The following MAP3K4 variants were observed in gnomAD, a reference collection of about 807,000 sequenced individuals.
The protein encoded by MAP3K4 is MAP three kinase 1.
In MAP3K4, 67 loss-of-function variants were observed where a neutral mutation model predicts 185.6. The ratio of observed to expected loss-of-function variants is 0.36; its 90% CI spans 0.30 to 0.44. MAP3K4 has a LOEUF of 0.44. Ranked by LOEUF, MAP3K4 falls within the 20% of genes least tolerant of loss-of-function variation. The probability of loss-of-function intolerance (pLI) is 1.00; values close to 1 mark genes in which losing one functional copy is unlikely to be tolerated. For synonymous variants in MAP3K4, 702 were observed against 710.4 expected (o/e 0.99, Z 0.19); for missense variants, 1,551 against 1,995.1 (o/e 0.78, Z 4.24).
chr6:161,002,050 G>GTTTTT (rs77347524), intron 1 of MAP3K4, among the ~76,000 whole-genome samples: 3 of 112,450 alleles, frequency 2.7e-5, no homozygotes, highest in South Asian at 3.0e-4. Flanking sequence ...TAAGAAAAAG[G>GTTTTT]TTTTTTTTTT....
rs1312988708 is a variant in MAP3K4 at position 161,080,633 on chromosome 6, G to T, written c.2098-248G>T. On this transcript the variant is annotated intron_variant, in intron 5 of 26. Coordinates refer to ENST00000392142, the MANE Select transcript of MAP3K4 (RefSeq NM_005922.4). This position sits in a 1 kb window ranked among gnomAD's most constrained non-coding sequence, Gnocchi z 4.8. ...ATTGTAGATTGTGAACATTTTTGTT[G>T]TTAGGATTTTGAAGGGGTTGTCAAT... 7.0e-6 allele frequency: 3 copies of T among 428,466 alleles called. No homozygotes were observed. Among genetic ancestry groups the T allele is most frequent in the Admixed American group, 4.2e-5 (1 of 23,650 alleles). 26.5% of individuals were successfully genotyped at this position (428,466 alleles called of 1,614,324 possible).
chr6:161,019,531 C>T lies in MAP3K4; in HGVS notation c.153-14728C>T, dbSNP rs143830889. Among the ~76,000 whole-genome samples the T allele has an allele frequency of 8.3e-4, 126 of 152,292 alleles. 1 individual carries two copies. The East Asian group carries it at 0.012, about 14-fold the overall frequency. On this transcript the variant is annotated intron_variant, in intron 1 of 26. Transcript: ENST00000392142. ...AAGCAATTCTCCTGCGTCAGTCTCC[C>T]GAGTAGCTGGAATTACAGGCGTGTG...
chr6:161,016,663 A>G (rs796562501), intron 1 of MAP3K4, among the ~76,000 whole-genome samples: 8 of 152,326 alleles, frequency 5.3e-5, no homozygotes, highest in East Asian at 1.9e-4. Context: ...ATACGAGTTT[A>G]TAGCTGGACT....
chr6:161,101,545 T>A lies in MAP3K4; in HGVS notation c.3675-347T>A, dbSNP rs1457031895. 3 of 170,238 alleles carry A rather than the reference T, an allele frequency of 1.8e-5. No homozygotes were observed. Among genetic ancestry groups the A allele is most frequent in the African/African-American group, 7.1e-5 (3 of 42,100 alleles). 10.5% of individuals were successfully genotyped at this position (170,238 alleles called of 1,614,324 possible). ...TTTCTGTTGTTAATATAAGACAAGG[T>A]TTTATGCAGGCAGGTGCTCTCAGGC... On this transcript the variant is annotated intron_variant, in intron 17 of 26. Transcript: ENST00000392142. This position sits in a 1 kb window ranked among gnomAD's most constrained non-coding sequence, Gnocchi z 5.1.
intron 3 of MAP3K4, among the ~76,000 whole-genome samples, chr6:161,057,527 G>A (rs993883766): frequency 6.6e-6 from 1 of 152,142 alleles, no homozygotes; most frequent in Non-Finnish European, 1.5e-5. Flanking sequence ...AAAAATACGT[G>A]TGCCTAGCCA....
At chr6:161,102,448 G>GTA (rs1464604469) in intron 18 of MAP3K4, among the ~76,000 whole-genome samples, 1 of 152,062 alleles carries the variant, frequency 6.6e-6, no homozygotes, top group Non-Finnish European at 1.5e-5. Flanking sequence ...TTTTTGCACA[G>GTA]TATTCTGTTG....
rs1290016034 is a variant in MAP3K4, at chr6:161,100,515, G to C, written c.3675-1377G>C. Among the ~76,000 whole-genome samples the C allele has an allele frequency of 6.6e-6, 1 of 152,196 alleles. No individual in the cohort carries two copies. Among genetic ancestry groups the C allele is most frequent in the East Asian group, 1.9e-4 (1 of 5,198 alleles). On this transcript the variant is annotated intron_variant, in intron 17 of 26. Transcript: ENST00000392142. This position sits in a 1 kb window ranked among gnomAD's most constrained non-coding sequence, Gnocchi z 5.8. ...GGTGCTCTTGCTGAGGCTTGCTCCT[G>C]CTGGCTCTCAAGAGCTGATGGCGAA...
chr6:161,028,109 A>C (rs1461256576), intron 1 of MAP3K4, among the ~76,000 whole-genome samples: 1 of 152,224 alleles, frequency 6.6e-6, no homozygotes, highest in Non-Finnish European at 1.5e-5. Flanking sequence ...TCACAAAGTC[A>C]TTCCACATTC....
At chr6:161,058,409 AC>A (rs1245082870) in intron 3 of MAP3K4, among the ~76,000 whole-genome samples, 1 of 152,228 alleles carries the variant, frequency 6.6e-6, no homozygotes. Context: ...TACATGACTT[AC>A]TGGGCCTGTG....
In MAP3K4 at chr6:161,077,480, G is replaced by A. The variant is rs1785233948; in HGVS notation, c.2098-3401G>A. The stretch of plus-strand genomic sequence containing the variant: ...AAGCCCCTTTTTGGTAGCAGGTGCG[G>A]TCCGCTTGGGAAAGGAGCCTGGCAA... On this transcript the variant is annotated intron_variant, in intron 5 of 26. Coordinates refer to ENST00000392142, the MANE Select transcript of MAP3K4 (RefSeq NM_005922.4). This position sits in a 1 kb window ranked among gnomAD's most constrained non-coding sequence, Gnocchi z 4.3. Among the ~76,000 whole-genome samples the A allele has an allele frequency of 6.6e-6, 1 of 152,158 alleles. No homozygotes were observed. Among genetic ancestry groups the A allele is most frequent in the African/African-American group, 2.4e-5 (1 of 41,422 alleles).
At chr6:161,058,815 T>C (rs916839884) in intron 3 of MAP3K4, among the ~76,000 whole-genome samples, 1 of 152,156 alleles carries the variant, frequency 6.6e-6, no homozygotes, top group Non-Finnish European at 1.5e-5. Context: ...CTACATGATA[T>C]TCCATTCTAT....
At chr6:160,995,200 T>G (rs1341892369) in intron 1 of MAP3K4, among the ~76,000 whole-genome samples, 1 of 152,178 alleles carries the variant, frequency 6.6e-6, no homozygotes, top group Non-Finnish European at 1.5e-5. Flanking sequence ...TGATAATTAG[T>G]GATGTTGAGC....
At position 161,073,555 on chromosome 6, in the gene MAP3K4, G is replaced by A. The variant is rs745910302; in HGVS notation, c.2040G>A (p.Leu680=). 1.5e-5 allele frequency: 24 copies of A among 1,614,044 alleles called. No individual in the cohort carries two copies. The South Asian group carries it at 2.6e-4, about 18-fold the overall frequency. ...TGCTGCAGGAGGTTCTGGAGGACTTGGAGAAGCCCGACTGCAACATTGACG... is the reference window on the plus strand; with the variant it reads ...TGCTGCAGGAGGTTCTGGAGGACTTAGAGAAGCCCGACTGCAACATTGACG... ...QFMLQEVLED[L]EKPDCNIDAF... Residue 680 remains leucine, a synonymous_variant, in exon 5 of 27, where the codon TTG becomes TTA. Coordinates refer to ENST00000392142, the MANE Select transcript of MAP3K4 (RefSeq NM_005922.4). The surrounding 1 kb of genome is among the most constrained non-coding windows in gnomAD (Gnocchi z 4.2).
At position 161,112,726 on chromosome 6, in the gene MAP3K4, C is replaced by T. The variant is rs201719431; in HGVS notation, c.4578C>T (p.Ala1526=). 31 of 1,608,688 alleles carry T rather than the reference C, an allele frequency of 1.9e-5. No homozygotes were observed. The East Asian group carries it at 5.2e-4, about 27-fold the overall frequency. ...RAKGEGHGRA[A]DIWSLGCVVI... ...AAGGAGAGGGCCATGGGCGTGCGGC[C>T]GACATCTGGAGTCTGGGGTGTGTTG... The change falls in exon 25 of 27, where the codon GCC becomes GCT. Residue 1526 remains alanine (A), a synonymous_variant. Coordinates refer to ENST00000392142, the MANE Select transcript of MAP3K4 (RefSeq NM_005922.4). The surrounding 1 kb of genome is among the most constrained non-coding windows in gnomAD (Gnocchi z 5.1).
chr6:161,098,219 A>G lies in MAP3K4; in HGVS notation c.3525-59A>G, dbSNP rs1461451815. 4 of 1,480,552 alleles carry G rather than the reference A, an allele frequency of 2.7e-6. No individual in the cohort carries two copies. Among genetic ancestry groups the G allele is most frequent in the Non-Finnish European group, 3.6e-6 (4 of 1,106,430 alleles). 91.7% of individuals were successfully genotyped at this position (1,480,552 alleles called of 1,614,324 possible). ...CATATTTTATTTTTAATTGAAAACA[A>G]TTTTCAAGTCCGTTCCCTCTTCTCA... On this transcript the variant is annotated intron_variant, in intron 16 of 26. Transcript: ENST00000392142. The surrounding 1 kb of genome is among the most constrained non-coding windows in gnomAD (Gnocchi z 4.4).
chr6:161,047,378 T>A (rs1281047295), intron 2 of MAP3K4, among the ~76,000 whole-genome samples: 1 of 151,522 alleles, frequency 6.6e-6, no homozygotes, highest in Non-Finnish European at 1.5e-5. Context: ...AAGTTGAGGC[T>A]GCACTCCAGC....
At chr6:161,021,288 G>C (rs1436958105) in intron 1 of MAP3K4, among the ~76,000 whole-genome samples, 1 of 152,166 alleles carries the variant, frequency 6.6e-6, no homozygotes, top group African/African-American at 2.4e-5. Flanking sequence ...GACAGAAGCT[G>C]TTGGGGATAA....
intron 19 of MAP3K4, among the ~76,000 whole-genome samples, chr6:161,104,496 G>A (rs548575351): frequency 1.0e-3 from 158 of 151,042 alleles, no homozygotes; most frequent in Non-Finnish European, 1.9e-3. Context: ...GGTGGATCAC[G>A]AGGTCAAGAG....
At position 161,082,387 on chromosome 6, in the gene MAP3K4, GT is replaced by G. The variant is rs1785499334; in HGVS notation, c.2255+1352del. Among the ~76,000 whole-genome samples the G allele has an allele frequency of 2.0e-5, 3 of 151,896 alleles. No homozygotes were observed. Among genetic ancestry groups the G allele is most frequent in the Non-Finnish European group, 4.4e-5 (3 of 68,010 alleles). ...TTTAGTTTCACTACAAATTCATGTT[GT>G]TTAGTGTCACTGTACCCTCACTTCC... is the stretch of plus-strand genomic sequence containing the variant. On this transcript the variant is annotated intron_variant, in intron 6 of 26. Transcript: ENST00000392142. The surrounding 1 kb of genome is among the most constrained non-coding windows in gnomAD (Gnocchi z 4.2).
Sources: allele counts gnomAD v4.1 joint callset (sites outside exome capture counted in the v4.1 genomes callset), GRCh38; gene constraint gnomAD v4.1.1; non-coding constraint Gnocchi (gnomAD v3.1); transcripts MANE v1.5; gene names NCBI Gene and HGNC (gene_info 2026-07-23, HGNC 2026-07-21).